The following IL17RE variants were observed in gnomAD, a reference collection of about 807,000 sequenced individuals.
The protein encoded by IL17RE is interleukin-17 receptor E.
In IL17RE, 47 loss-of-function variants were observed where a neutral mutation model predicts 70.7. The observed-to-expected ratio is 0.67, with a 90% CI of 0.53 to 0.85. The LOEUF is 0.85. Ranked by LOEUF, IL17RE falls within the 40% of genes least tolerant of loss-of-function variation. The pLI is 0.00. For missense variants in IL17RE, 850 were observed against 893.9 expected (o/e 0.95, Z 0.63); for synonymous variants, 372 against 381.2 (o/e 0.98, Z 0.28).
At chr3:9,909,092 G>A (rs768127109) in intron 7 of IL17RE, 125 bp from the exon 8 acceptor site, 5 of 679,480 alleles carry the variant, frequency 7.4e-6, no homozygotes, top group Admixed American at 4.9e-5. Context: ...CCTCCTGCTC[G>A]GTCAGTGCCT....
rs778350863 is a variant in IL17RE at position 9,904,116 on chromosome 3, G to T, written c.233G>T (p.Arg78Leu). The T allele has an allele frequency of 6.2e-7, 1 of 1,614,130 alleles. No homozygotes were observed. The highest frequency in any genetic ancestry group is 2.2e-5 in the East Asian group (1 of 44,868). Residue 78 changes from arginine (R) to leucine (L), a missense_variant, in exon 3 of 16, where the codon CGC becomes CTC. Transcript: ENST00000383814. ...PWCVRVWHCS[R>L]CLCQHLLSGG... is the part of the protein sequence containing the mutation. ...TGTGTGCGAGTCTGGCACTGTTCCCGCTGTTTGTGCCAGCATCTGCTGTCA... is the reference window on the plus strand; with the variant it reads ...TGTGTGCGAGTCTGGCACTGTTCCCTCTGTTTGTGCCAGCATCTGCTGTCA...
Position 9,916,336 on chromosome 3 carries a change from T to A in IL17RE, c.*529T>A, listed in dbSNP as rs928319914. 5.0e-5 allele frequency: 1 copy of A among 20,134 alleles called. No homozygotes were observed. Among genetic ancestry groups the A allele is most frequent in the African/African-American group, 1.9e-4 (1 of 5,204 alleles). 1.2% of individuals were successfully genotyped at this position (20,134 alleles called of 1,614,324 possible). On this transcript the variant is annotated 3_prime_UTR_variant, in exon 16 of 16. Transcript: ENST00000383814. ...CAGTGGGGGTTGGGGGTGGGGTGGG[T>A]GGGTGCTGGCGGTGGGGACCAAGAT...
chr3:9,915,045 C>T lies in IL17RE; in HGVS notation c.1448-206C>T, dbSNP rs1455952008. ...ACTCGCCCAGCCTGGAGCCCTGACC[C>T]TCTCTTCAGAAGGGGTGCCTTTATC... On this transcript the variant is annotated intron_variant, in intron 15 of 15. Transcript: ENST00000383814. The surrounding 1 kb of genome is among the most constrained non-coding windows in gnomAD (Gnocchi z 4.9). 6.6e-6 allele frequency among the ~76,000 whole-genome samples: 1 copy of T among 152,132 alleles called. No homozygotes were observed. The highest frequency in any genetic ancestry group is 2.4e-5 in the African/African-American group (1 of 41,434).
rs1396208127 is a variant in IL17RE, at chr3:9,915,853, G to C, written c.*46G>C. 1.4e-6 allele frequency: 2 copies of C among 1,455,692 alleles called. No homozygotes were observed. Among genetic ancestry groups the C allele is most frequent in the Non-Finnish European group, 1.8e-6 (2 of 1,115,280 alleles). The allele number at this position is 1,455,692 out of a possible 1,614,324, so 90.2% of individuals were successfully genotyped here. ...CGGGTGTCTGCGGCCGCAACGCAACGGACACTGGCTGGAACCCCGGAATGA... is the reference window on the plus strand; with the variant it reads ...CGGGTGTCTGCGGCCGCAACGCAACCGACACTGGCTGGAACCCCGGAATGA... On this transcript the variant is annotated 3_prime_UTR_variant, in exon 16 of 16. Coordinates refer to ENST00000383814, the MANE Select transcript of IL17RE (RefSeq NM_153480.2). The surrounding 1 kb of genome is among the most constrained non-coding windows in gnomAD (Gnocchi z 4.9).
chr3:9,906,935 G>A (rs1293419107), intron 5 of IL17RE, 26 bp from the exon 6 acceptor site: 3 of 1,614,134 alleles, frequency 1.9e-6, no homozygotes, highest in East Asian at 2.2e-5. Context: ...CAAGAGACAA[G>A]GCCACTGAGT....
intron 4 of IL17RE, 88 bp downstream of exon 4, chr3:9,906,549 C>A: frequency 1.5e-6 from 2 of 1,377,404 alleles, no homozygotes; most frequent in Admixed American, 1.7e-5. Context: ...CCATGTGAGA[C>A]AGAAAGTGTG....
At chr3:9,903,557 G>T in intron 2 of IL17RE, 145 bp downstream of exon 2, 1 of 860,778 alleles carries the variant, frequency 1.2e-6, no homozygotes, top group Non-Finnish European at 1.9e-6. Flanking sequence ...ACAAGCCTGG[G>T]TTCACATTGC....
At chr3:9,903,134 C>A in intron 1 of IL17RE, 70 bp downstream of exon 1, 2 of 1,365,168 alleles carry the variant, frequency 1.5e-6, no homozygotes, top group Non-Finnish European at 2.1e-6. Context: ...CCCTGCCTGC[C>A]CTGTGCTACC....
chr3:9,915,570 G>C lies in IL17RE; in HGVS notation c.1767G>C (p.Leu589=). 1 of 1,416,104 alleles carries C rather than the reference G, an allele frequency of 7.1e-7. No individual in the cohort carries two copies. The highest frequency in any genetic ancestry group is 9.2e-7 in the Non-Finnish European group (1 of 1,087,504). The allele number at this position is 1,416,104 out of a possible 1,614,324, so 87.7% of individuals were successfully genotyped here. The change falls in exon 16 of 16, where the codon CTG becomes CTC. Residue 589 remains leucine, a synonymous_variant. Transcript: ENST00000383814. The surrounding 1 kb of genome is among the most constrained non-coding windows in gnomAD (Gnocchi z 4.9). ...ALLHAAPRPL[L]LLAYFSRLCA... The stretch of plus-strand genomic sequence containing the variant: ...TCCACGCTGCCCCGCGCCCGCTGCT[G>C]CTGCTCGCTTACTTCAGTCGCCTCT...
At chr3:9,910,553 G>T (rs1457320298) in intron 8 of IL17RE, among the ~76,000 whole-genome samples, 1 of 151,906 alleles carries the variant, frequency 6.6e-6, no homozygotes, top group African/African-American at 2.4e-5. Flanking sequence ...AATTAGCTGG[G>T]CTTGGTGGCA....
intron 13 of IL17RE, chr3:9,914,345 T>A: frequency 1.4e-6 from 2 of 1,395,280 alleles, no homozygotes; most frequent in Non-Finnish European, 1.9e-6. Context: ...GAGTTTACTT[T>A]TTGAGTTTGG....
upstream of IL17RE, chr3:9,902,509 T>C (rs902778828): frequency 1.7e-5 from 16 of 966,792 alleles, no homozygotes; most frequent in African/African-American, 3.2e-5. Context: ...CGGCTAATTC[T>C]CTAAGTGAGG....
At position 9,903,430 on chromosome 3, in the gene IL17RE, C is replaced by T. The variant is rs374124017; in HGVS notation, c.148+18C>T. 9 of 1,613,584 alleles carry T rather than the reference C, an allele frequency of 5.6e-6. No homozygotes were observed. The African/African-American group carries it at 9.3e-5, about 17-fold the overall frequency. On this transcript the variant is annotated intron_variant, in intron 2 of 15. Transcript: ENST00000383814. ...TTTCACTGGTGAGTCGCATTTCCTGCCCCATTGCTCCTCCCCACGCCCACT... is the reference window on the plus strand; with the variant it reads ...TTTCACTGGTGAGTCGCATTTCCTGTCCCATTGCTCCTCCCCACGCCCACT...
intron 1 of IL17RE, 38 bp from the exon 2 acceptor site, chr3:9,903,359 T>C: frequency 6.2e-7 from 1 of 1,612,248 alleles, no homozygotes; most frequent in Non-Finnish European, 8.5e-7. Flanking sequence ...TAATAATAGC[T>C]CTTTCCTTTC....
chr3:9,903,415 G>C lies in IL17RE; in HGVS notation c.148+3G>C, dbSNP rs199962714. Reference sequence around the variant, plus strand: ...GCCTCAGGATGACAGTTTCACTGGTGAGTCGCATTTCCTGCCCCATTGCTC... The same window carrying C: ...GCCTCAGGATGACAGTTTCACTGGTCAGTCGCATTTCCTGCCCCATTGCTC... On this transcript the variant is annotated splice_donor_region_variant and intron_variant, in intron 2 of 15. Coordinates refer to ENST00000383814, the MANE Select transcript of IL17RE (RefSeq NM_153480.2). 14 of 1,614,066 alleles carry C rather than the reference G, an allele frequency of 8.7e-6. No homozygotes were observed. The African/African-American group carries it at 1.7e-4, about 20-fold the overall frequency.
chr3:9,908,721 G>C (rs1218657121), intron 7 of IL17RE, among the ~76,000 whole-genome samples: 1 of 152,160 alleles, frequency 6.6e-6, no homozygotes, highest in Non-Finnish European at 1.5e-5. Flanking sequence ...CTCTTTACAA[G>C]TCTAAGGAAC....
intron 8 of IL17RE, 88 bp downstream of exon 8, chr3:9,909,371 A>C (rs986463240): frequency 3.2e-5 from 36 of 1,120,134 alleles, no homozygotes; most frequent in Admixed American, 2.4e-4. Context: ...ACACACACAC[A>C]CACCCCGCAC....
In IL17RE at chr3:9,903,022, C is replaced by T. The variant is rs1038936190; in HGVS notation, c.90C>T (p.His30=). The T allele has an allele frequency of 1.9e-6, 3 of 1,614,114 alleles. No homozygotes were observed. Among genetic ancestry groups the T allele is most frequent in the Non-Finnish European group, 2.5e-6 (3 of 1,180,046 alleles). Residue 30 remains histidine (H), a synonymous_variant, in exon 1 of 16, where the codon CAC becomes CAT. Coordinates refer to ENST00000383814, the MANE Select transcript of IL17RE (RefSeq NM_153480.2). Reference sequence around the variant, plus strand: ...ACTCTGCTGGGATTGGCTTTCGCCACCTGCCCCACTGGAACACCCGCTGTC... The same window carrying T: ...ACTCTGCTGGGATTGGCTTTCGCCATCTGCCCCACTGGAACACCCGCTGTC... ...LSDSAGIGFR[H]LPHWNTRCPL... is the part of the protein sequence containing the mutation.
rs73814303 is a variant in IL17RE, at chr3:9,908,184, G to A, written c.667-55G>A. The A allele has an allele frequency of 7.4e-4, 1,074 of 1,453,736 alleles. 4 individuals are homozygous for A. In the African/African-American group the frequency reaches 0.013, roughly 18 times the overall value. The allele number at this position is 1,453,736 out of a possible 1,614,324, so 90.1% of individuals were successfully genotyped here. The stretch of plus-strand genomic sequence containing the variant: ...CCAGCACTGTTCTGCCCTTGTCTAT[G>A]TGCCCATGCTCTTTCTCAGGCATCT... On this transcript the variant is annotated intron_variant, in intron 6 of 15. Coordinates refer to ENST00000383814, the MANE Select transcript of IL17RE (RefSeq NM_153480.2).
Sources: gnomAD v4.1 joint callset for allele counts (sites outside exome capture counted in the v4.1 genomes callset) on GRCh38, gnomAD v4.1.1 for gene constraint, Gnocchi (gnomAD v3.1) non-coding constraint, MANE v1.5 for transcripts, NCBI Gene and HGNC (gene_info 2026-07-23, HGNC 2026-07-21) for gene names.